The following APOOL variants were observed in gnomAD, a reference collection of about 807,000 sequenced individuals.
APOOL encodes the protein MICOS complex subunit MIC27.
Under a neutral mutation model 23.1 loss-of-function variants are expected in APOOL, and 12 were observed. The ratio of observed to expected loss-of-function variants is 0.52; its 90% CI spans 0.33 to 0.84. APOOL has a LOEUF of 0.84. APOOL is among the 40% of genes least tolerant of loss of function. The pLI, the probability that APOOL is intolerant of heterozygous loss-of-function variation, is 0.02. For synonymous variants in APOOL, 77 were observed against 69.9 expected (o/e 1.10, Z -0.51); for missense variants, 212 against 199.6 (o/e 1.06, Z -0.37).
At chrX:85,040,959 C>T (rs1382698450) in intron 1 of APOOL, among the ~76,000 whole-genome samples, 2 of 112,055 alleles carry the variant, frequency 1.8e-5, no homozygotes, top group Non-Finnish European at 3.8e-5. Context: ...AAGACACTGG[C>T]TTTTCCAGTT....
intron 1 of APOOL, among the ~76,000 whole-genome samples, chrX:85,027,587 C>T (rs1261323146): frequency 9.0e-6 from 1 of 111,089 alleles, no homozygotes; most frequent in Non-Finnish European, 1.9e-5. Context: ...ATATATATTC[C>T]GGATACTAAT....
intron 1 of APOOL, among the ~76,000 whole-genome samples, chrX:85,039,366 T>C (rs1922335034): frequency 9.0e-6 from 1 of 110,990 alleles, no homozygotes; most frequent in African/African-American, 3.3e-5. Context: ...CATGTGCAGA[T>C]GAGATTAATG....
At chrX:85,009,364 T>C (rs1451628203) in intron 1 of APOOL, among the ~76,000 whole-genome samples, 1 of 112,105 alleles carries the variant, frequency 8.9e-6, no homozygotes, top group Non-Finnish European at 1.9e-5. Context: ...GGGTATGATA[T>C]TAGTTGTGGC....
chrX:85,080,222 G>A (rs1350966885), intron 8 of APOOL, among the ~76,000 whole-genome samples: 3 of 111,703 alleles, frequency 2.7e-5, no homozygotes, highest in Non-Finnish European at 5.6e-5. Flanking sequence ...TCTCTTGTGG[G>A]CATTTAGTGC....
intron 1 of APOOL, among the ~76,000 whole-genome samples, chrX:85,014,051 G>T (rs951322011): frequency 2.9e-4 from 32 of 111,484 alleles, no homozygotes; most frequent in African/African-American, 9.8e-4. Context: ...TCCTGTTGGG[G>T]TAGTCCTCTT....
In APOOL at chrX:85,090,809, A is replaced by G. The variant is rs1924496070; in HGVS notation, c.*3131A>G. ...CCCTTTCTCAATCCTCCAGGGTAGAATTTAGATGTTCTGTCTTTTAGAGAT... is the reference window on the plus strand; with the variant it reads ...CCCTTTCTCAATCCTCCAGGGTAGAGTTTAGATGTTCTGTCTTTTAGAGAT... On this transcript the variant is annotated 3_prime_UTR_variant, in exon 9 of 9. Coordinates refer to ENST00000373173, the MANE Select transcript of APOOL (RefSeq NM_198450.6). 1 of 111,847 alleles carries G rather than the reference A, an allele frequency of 8.9e-6. No individual in the cohort carries two copies. Among genetic ancestry groups the G allele is most frequent in the African/African-American group, 3.2e-5 (1 of 30,805 alleles). The allele number at this position is 111,847 out of a possible 1,213,427, so 9.2% of individuals were successfully genotyped here.
At chrX:85,028,617 A>G (rs1216997815) in intron 1 of APOOL, among the ~76,000 whole-genome samples, 1 of 110,483 alleles carries the variant, frequency 9.1e-6, no homozygotes, top group African/African-American at 3.3e-5. Flanking sequence ...TGTGCTACCA[A>G]ATAGTAGGTC....
chrX:85,067,247 T>C, intron 6 of APOOL, 29 bp downstream of exon 6: 11 of 974,097 alleles, frequency 1.1e-5, no homozygotes, highest in Non-Finnish European at 1.6e-5. Context: ...ATAGCAACAT[T>C]TCAGTATTTG....
At chrX:85,016,023 C>G (rs1921460855) in intron 1 of APOOL, among the ~76,000 whole-genome samples, 1 of 110,773 alleles carries the variant, frequency 9.0e-6, no homozygotes, top group Non-Finnish European at 1.9e-5. Context: ...GGTGAGTTCA[C>G]TGTCTCCTAT....
At chrX:85,086,945 C>T (rs1449207915) in intron 8 of APOOL, among the ~76,000 whole-genome samples, 5 of 110,136 alleles carry the variant, frequency 4.5e-5, no homozygotes, top group Admixed American at 3.9e-4. Context: ...GTGATCCGCC[C>T]GTCTCGGCCT....
chrX:85,024,592 T>C (rs2147479112), intron 1 of APOOL, among the ~76,000 whole-genome samples: 1 of 112,593 alleles, frequency 8.9e-6, no homozygotes, highest in South Asian at 3.6e-4. Flanking sequence ...GAAGAACCCC[T>C]GCCATATCTA....
In APOOL at chrX:85,091,127, G is replaced by A. The variant is rs1488352386; in HGVS notation, c.*3449G>A. ...TAGCTAGGCGTGGTGGCTCATGCCT[G>A]TAATTCCAGCTACTTGGGAGGCTGA... On this transcript the variant is annotated 3_prime_UTR_variant, in exon 9 of 9. Transcript: ENST00000373173. The A allele has an allele frequency of 1.8e-5, 2 of 112,150 alleles. No individual in the cohort carries two copies. The highest frequency in any genetic ancestry group is 3.8e-5 in the Non-Finnish European group (2 of 53,275). The allele number at this position is 112,150 out of a possible 1,213,427, so 9.2% of individuals were successfully genotyped here. A position where few individuals can be genotyped will look rare whatever the true frequency, so the allele number is the denominator to read the frequency against.
intron 7 of APOOL, 24 bp downstream of exon 7, chrX:85,074,135 G>A (rs910960192): frequency 8.7e-6 from 10 of 1,148,908 alleles, no homozygotes; most frequent in Middle Eastern, 2.4e-4. Flanking sequence ...GGAGCAAGAC[G>A]GTCAACATTG....
intron 5 of APOOL, among the ~76,000 whole-genome samples, chrX:85,058,341 G>C (rs1923052625): frequency 9.0e-6 from 1 of 110,933 alleles, no homozygotes; most frequent in Non-Finnish European, 1.9e-5. Flanking sequence ...TTCTGTTCCT[G>C]TGTTGGTTTG....
intron 6 of APOOL, among the ~76,000 whole-genome samples, chrX:85,072,978 T>C (rs1387753164): frequency 1.8e-5 from 2 of 111,765 alleles, no homozygotes; most frequent in East Asian, 5.6e-4. Flanking sequence ...TTCATCTTTT[T>C]TGAAAGATCT....
intron 1 of APOOL, among the ~76,000 whole-genome samples, chrX:85,032,469 G>A (rs772893081): frequency 1.9e-3 from 205 of 108,864 alleles, no homozygotes; most frequent in African/African-American, 6.4e-3. Context: ...AGCCGAGATC[G>A]CGCCATTGCA....
intron 1 of APOOL, among the ~76,000 whole-genome samples, chrX:85,037,715 CAT>C (rs1922261924): frequency 9.0e-6 from 1 of 111,265 alleles, no homozygotes; most frequent in Non-Finnish European, 1.9e-5. Context: ...CATACAAAAA[CAT>C]AAAGTAGGGA....
At chrX:85,085,202 A>G (rs1309976531) in intron 8 of APOOL, among the ~76,000 whole-genome samples, 2 of 112,092 alleles carry the variant, frequency 1.8e-5, no homozygotes, top group East Asian at 2.8e-4. Context: ...ATCTGCAACT[A>G]TAATGTAATA....
chrX:85,034,541 T>C (rs914260016), intron 1 of APOOL, among the ~76,000 whole-genome samples: 10 of 111,206 alleles, frequency 9.0e-5, no homozygotes, highest in Non-Finnish European at 1.5e-4. Context: ...TGAATGATGC[T>C]GATGTATGGG....
Sources: gnomAD v4.1 joint callset for allele counts (sites outside exome capture counted in the v4.1 genomes callset) on GRCh38, gnomAD v4.1.1 for gene constraint, MANE v1.5 for transcripts, NCBI Gene and HGNC (gene_info 2026-07-23, HGNC 2026-07-21) for gene names.